CSMD3: variants seen among roughly 807,000 people sequenced by gnomAD.
CSMD3 encodes the protein CUB and sushi domain-containing protein 3.
A neutral mutation model predicts 435.2 loss-of-function variants in CSMD3; 177 were observed. The observed-to-expected ratio is 0.41, with a 90% CI of 0.36 to 0.46. The LOEUF (loss-of-function observed/expected upper bound fraction) is 0.46. Ranked by LOEUF, CSMD3 falls within the 20% of genes least tolerant of loss-of-function variation. The pLI, the probability that CSMD3 is intolerant of heterozygous loss-of-function variation, is 0.34. For synonymous variants in CSMD3, 1,656 were observed against 1,520.5 expected (o/e 1.09, Z -2.07); for missense variants, 4,265 against 4,504.6 (o/e 0.95, Z 1.52).
At chr8:113,240,842 A>G (rs1440797323) in intron 3 of CSMD3, among the ~76,000 whole-genome samples, 3 of 152,140 alleles carry the variant, frequency 2.0e-5, no homozygotes, top group African/African-American at 7.2e-5. Flanking sequence ...GGTGCTCTGT[A>G]GTAAGATAAA....
chr8:112,563,232 C>A (rs181251575), intron 24 of CSMD3, among the ~76,000 whole-genome samples: 23 of 151,854 alleles, frequency 1.5e-4, no homozygotes, highest in African/African-American at 5.3e-4. Context: ...GTATTTCTCA[C>A]TAATCAAACT....
intron 5 of CSMD3, among the ~76,000 whole-genome samples, chr8:113,084,053 A>G (rs186877841): frequency 6.4e-4 from 97 of 152,322 alleles, no homozygotes; most frequent in Admixed American, 2.4e-3. Context: ...ACACAAGTAT[A>G]TGTAGCCTAG....
chr8:112,314,748 A>G (rs1450354089), intron 47 of CSMD3, 131 bp from the exon 48 acceptor site: 3 of 711,382 alleles, frequency 4.2e-6, no homozygotes, highest in Non-Finnish European at 7.5e-6. Context: ...ATTTGTTAGA[A>G]GAGACAAGTT....
chr8:112,751,307 T>G (rs2077564714), intron 13 of CSMD3, among the ~76,000 whole-genome samples: 2 of 151,954 alleles, frequency 1.3e-5, no homozygotes, highest in Non-Finnish European at 2.9e-5. Context: ...ACCTAAAGAA[T>G]GTATGAAAAG....
chr8:112,811,475 A>G (rs1415487168), intron 12 of CSMD3, among the ~76,000 whole-genome samples: 2 of 152,132 alleles, frequency 1.3e-5, no homozygotes, highest in Non-Finnish European at 2.9e-5. Flanking sequence ...TTTTTGAAAT[A>G]AGAACATCAA....
At position 112,242,094 on chromosome 8, in the gene CSMD3, G is replaced by A. The variant is rs1214677241; in HGVS notation, c.10403-309C>T. Among the ~76,000 whole-genome samples the A allele has an allele frequency of 1.3e-5, 2 of 152,244 alleles. 1 individual carries two copies. Among genetic ancestry groups the A allele is most frequent in the Non-Finnish European group, 2.9e-5 (2 of 68,008 alleles). On this transcript the variant is annotated intron_variant, in intron 65 of 70. Transcript: ENST00000297405. Reference sequence around the variant, plus strand: ...TATTTTAGAGGCATAAGCCAAAGTGGAGACAGTTGCCTCCAACATGGAAGC... The same window carrying A: ...TATTTTAGAGGCATAAGCCAAAGTGAAGACAGTTGCCTCCAACATGGAAGC...
intron 13 of CSMD3, among the ~76,000 whole-genome samples, chr8:112,716,321 A>T (rs2076727491): frequency 2.0e-5 from 3 of 152,226 alleles, no homozygotes; most frequent in Admixed American, 1.3e-4. Context: ...ACTCCCATTC[A>T]CAATTGCTAC....
intron 5 of CSMD3, among the ~76,000 whole-genome samples, chr8:113,041,492 A>C (rs1254130239): frequency 6.6e-6 from 1 of 152,024 alleles, no homozygotes; most frequent in Non-Finnish European, 1.5e-5. Context: ...CTTAGATCTG[A>C]AACTTTTAGA....
chr8:112,255,886 T>C (rs1452315151), intron 61 of CSMD3: 1 of 167,530 alleles, frequency 6.0e-6, no homozygotes, highest in Non-Finnish European at 1.3e-5. Context: ...TTATTTGTTT[T>C]ATTGTACCCT....
chr8:113,280,443 A>G (rs1182755965), intron 2 of CSMD3, among the ~76,000 whole-genome samples: 3 of 151,804 alleles, frequency 2.0e-5, no homozygotes, highest in Non-Finnish European at 2.9e-5. Flanking sequence ...TTTCTAGTTT[A>G]TGTGCGTAGA....
At chr8:112,977,301 C>T (rs1367863213) in intron 6 of CSMD3, among the ~76,000 whole-genome samples, 1 of 151,962 alleles carries the variant, frequency 6.6e-6, no homozygotes, top group Non-Finnish European at 1.5e-5. Flanking sequence ...TGAATATTTT[C>T]TAAAGCCCCT....
At chr8:113,091,749 C>A (rs2131513138) in intron 5 of CSMD3, among the ~76,000 whole-genome samples, 1 of 151,286 alleles carries the variant, frequency 6.6e-6, no homozygotes, top group South Asian at 2.1e-4. Context: ...GTTTTACTAT[C>A]TTTTATATTG....
At chr8:113,236,343 T>C (rs1302511837) in intron 3 of CSMD3, among the ~76,000 whole-genome samples, 1 of 152,160 alleles carries the variant, frequency 6.6e-6, no homozygotes, top group African/African-American at 2.4e-5. Flanking sequence ...GAGTGTACTT[T>C]TGCTTTGCAG....
intron 53 of CSMD3, among the ~76,000 whole-genome samples, chr8:112,300,051 A>G (rs1209482076): frequency 6.7e-6 from 1 of 149,628 alleles, no homozygotes; most frequent in African/African-American, 2.4e-5. Flanking sequence ...TCAAATTTAT[A>G]TGTATATTTA....
At chr8:112,714,427 A>T (rs1587052433) in intron 13 of CSMD3, among the ~76,000 whole-genome samples, 2 of 152,182 alleles carry the variant, frequency 1.3e-5, no homozygotes, top group Admixed American at 1.3e-4. Flanking sequence ...TTCATAAAAC[A>T]AGTTCTTAGA....
intron 1 of CSMD3, among the ~76,000 whole-genome samples, chr8:113,331,536 A>G (rs574748775): frequency 6.6e-6 from 1 of 151,894 alleles, no homozygotes; most frequent in Non-Finnish European, 1.5e-5. Flanking sequence ...ATCCTTGATG[A>G]AATACTAGAA....
intron 1 of CSMD3, among the ~76,000 whole-genome samples, chr8:113,332,666 A>C (rs1392095619): frequency 6.6e-6 from 1 of 151,676 alleles, no homozygotes; most frequent in Non-Finnish European, 1.5e-5. Flanking sequence ...TTCATCAATT[A>C]GAAGGCAACA....
At chr8:112,994,357 A>C (rs969845370) in intron 6 of CSMD3, among the ~76,000 whole-genome samples, 1 of 151,694 alleles carries the variant, frequency 6.6e-6, no homozygotes, top group Non-Finnish European at 1.5e-5. Context: ...TACATACAAA[A>C]GACAACTAAA....
intron 50 of CSMD3, among the ~76,000 whole-genome samples, chr8:112,309,167 T>C (rs1821720504): frequency 1.3e-5 from 2 of 152,014 alleles, no homozygotes; most frequent in African/African-American, 4.8e-5. Flanking sequence ...AATGACTCCA[T>C]ATGTAAATTA....
Sources: allele counts gnomAD v4.1 joint callset (sites outside exome capture counted in the v4.1 genomes callset), GRCh38; gene constraint gnomAD v4.1.1; transcripts MANE v1.5; gene names NCBI Gene and HGNC (gene_info 2026-07-23, HGNC 2026-07-21).